The following ARFGEF3 variants were observed in gnomAD, a reference collection of about 807,000 sequenced individuals.
ARFGEF3 encodes the protein brefeldin A-inhibited guanine nucleotide-exchange protein 3.
A neutral mutation model predicts 221.7 loss-of-function variants in ARFGEF3; 96 were observed. The observed-to-expected ratio is 0.43, with a 90% CI of 0.37 to 0.51. The LOEUF (loss-of-function observed/expected upper bound fraction) is 0.51, where lower values mean the gene tolerates loss of function less well. ARFGEF3 is among the 20% of genes least tolerant of loss of function. The pLI is 0.00. For synonymous variants in ARFGEF3, 1,145 were observed against 1,126.8 expected, an observed-to-expected ratio of 1.02 and a Z score of -0.32; for missense variants, 2,410 against 2,789.9, an observed-to-expected ratio of 0.86 and a Z score of 3.07.
chr6:138,236,721 A>T (rs957720404), intron 5 of ARFGEF3, among the ~76,000 whole-genome samples: 3 of 152,178 alleles, frequency 2.0e-5, no homozygotes, highest in African/African-American at 7.2e-5. Context: ...CAGCCACCTC[A>T]GCCTCCCAAA....
rs140900503 is a variant in ARFGEF3, at chr6:138,194,570, G to A, written c.138-12472G>A. On this transcript the variant is annotated intron_variant, in intron 2 of 33. Transcript: ENST00000251691. ...TACTGTCAGTATATCCACACTCTAAGGCTGAAAGCTTGATTGTAGGAAAAC... is the reference window on the plus strand; with the variant it reads ...TACTGTCAGTATATCCACACTCTAAAGCTGAAAGCTTGATTGTAGGAAAAC... Among the ~76,000 whole-genome samples the A allele has an allele frequency of 1.7e-3, 266 of 152,284 alleles. 1 individual carries two copies. Among genetic ancestry groups the A allele is most frequent in the African/African-American group, 6.3e-3 (260 of 41,564 alleles).
intron 20 of ARFGEF3, among the ~76,000 whole-genome samples, chr6:138,296,513 C>T (rs1405890669): frequency 2.6e-5 from 4 of 152,098 alleles, no homozygotes; most frequent in South Asian, 2.1e-4. Flanking sequence ...TCCAGACGGT[C>T]GGACTTCTCG....
intron 12 of ARFGEF3, among the ~76,000 whole-genome samples, chr6:138,264,634 T>C (rs1488146124): frequency 6.6e-6 from 1 of 152,232 alleles, no homozygotes; most frequent in East Asian, 1.9e-4. Context: ...CATGTGTTAA[T>C]GCATCCACCA....
At chr6:138,333,832 A>G (rs1780270459) in intron 32 of ARFGEF3, 138 bp from the exon 33 acceptor site, 3 of 953,122 alleles carry the variant, frequency 3.1e-6, no homozygotes, top group African/African-American at 1.6e-5. Flanking sequence ...GCCTTCTTTC[A>G]TGGAAGACAT....
At chr6:138,324,764 C>T (rs975232601) in intron 31 of ARFGEF3, among the ~76,000 whole-genome samples, 2 of 152,152 alleles carry the variant, frequency 1.3e-5, no homozygotes, top group Admixed American at 1.3e-4. Flanking sequence ...AGAGAAGATG[C>T]TTAGTATGTC....
Position 138,313,490 on chromosome 6 carries a change from A to C in ARFGEF3, c.4201-305A>C, listed in dbSNP as rs532874804. On this transcript the variant is annotated intron_variant, in intron 25 of 33. Transcript: ENST00000251691. ...TAGGCAAAAATTCTGGACATGTTTC[A>C]TGGTTCCTTCGGTAGGTTTATAAAA... 2.2e-3 allele frequency among the ~76,000 whole-genome samples: 337 copies of C among 152,340 alleles called. 1 individual carries two copies. The highest frequency in any genetic ancestry group is 1.3e-3 in the Non-Finnish European group (86 of 68,036).
intron 4 of ARFGEF3, among the ~76,000 whole-genome samples, chr6:138,214,295 A>C (rs1583014671): frequency 6.6e-6 from 1 of 152,372 alleles, no homozygotes; most frequent in South Asian, 2.1e-4. Context: ...ATGTTAATTT[A>C]GTCTTGGCAC....
chr6:138,300,835 A>T (rs1562384945), intron 22 of ARFGEF3, among the ~76,000 whole-genome samples: 1 of 152,196 alleles, frequency 6.6e-6, no homozygotes, highest in Non-Finnish European at 1.5e-5. Flanking sequence ...GAGAAAATAA[A>T]CCCAACTTCA....
intron 12 of ARFGEF3, among the ~76,000 whole-genome samples, chr6:138,274,659 GTGGTGC>G (rs1562376034): frequency 6.6e-6 from 1 of 152,080 alleles, no homozygotes; most frequent in African/African-American, 2.4e-5. Context: ...GCCAGGCATG[GTGGTGC>G]ATGCCTGTAA....
At chr6:138,294,526 G>A (rs773705515) in intron 20 of ARFGEF3, among the ~76,000 whole-genome samples, 1 of 152,272 alleles carries the variant, frequency 6.6e-6, no homozygotes, top group Middle Eastern at 3.4e-3. Flanking sequence ...TTTGTGATAT[G>A]CAGAAGCAAC....
In ARFGEF3 at chr6:138,291,647, A is replaced by T; in HGVS notation, c.3048-86A>T. On this transcript the variant is annotated intron_variant, in intron 18 of 33. Transcript: ENST00000251691. This position sits in a 1 kb window ranked among gnomAD's most constrained non-coding sequence, Gnocchi z 4.5. ...CTGGGGAGCTTGCAGAGCTGGCTGCATTTCCTTTGTCTGGCACTGTGGGGT... is the reference window on the plus strand; with the variant it reads ...CTGGGGAGCTTGCAGAGCTGGCTGCTTTTCCTTTGTCTGGCACTGTGGGGT... 1 of 988,736 alleles carries T rather than the reference A, an allele frequency of 1.0e-6. No homozygotes were observed. Among genetic ancestry groups the T allele is most frequent in the Non-Finnish European group, 1.3e-6 (1 of 743,990 alleles). The allele number at this position is 988,736 out of a possible 1,614,324, so 61.2% of individuals were successfully genotyped here.
chr6:138,208,140 C>T (rs1388732248), intron 3 of ARFGEF3, among the ~76,000 whole-genome samples: 1 of 149,874 alleles, frequency 6.7e-6, no homozygotes, highest in Non-Finnish European at 1.5e-5. Context: ...TTTAGCTTCT[C>T]TCTCTTTTTT....
At chr6:138,226,983 G>C (rs771155343) in intron 4 of ARFGEF3, among the ~76,000 whole-genome samples, 2 of 152,032 alleles carry the variant, frequency 1.3e-5, no homozygotes, top group African/African-American at 2.4e-5. Flanking sequence ...TAAGGAACTG[G>C]CTCCGTTAAT....
chr6:138,240,755 A>G (rs1342930748), intron 6 of ARFGEF3, among the ~76,000 whole-genome samples: 1 of 152,168 alleles, frequency 6.6e-6, no homozygotes, highest in East Asian at 1.9e-4. Context: ...AGCATTTGTG[A>G]TGTCCAATGG....
At chr6:138,191,189 A>G (rs902990082) in intron 2 of ARFGEF3, among the ~76,000 whole-genome samples, 13 of 152,096 alleles carry the variant, frequency 8.5e-5, no homozygotes, top group African/African-American at 3.1e-4. Flanking sequence ...TAACTTTCAC[A>G]GTAGAGTTAG....
At chr6:138,197,239 C>T (rs190815452) in intron 2 of ARFGEF3, among the ~76,000 whole-genome samples, 7 of 152,274 alleles carry the variant, frequency 4.6e-5, no homozygotes, top group Admixed American at 3.3e-4. Context: ...CACTGTCTTC[C>T]ACCTCCATAT....
chr6:138,332,260 A>G (rs146934682), intron 32 of ARFGEF3, among the ~76,000 whole-genome samples: 4 of 152,166 alleles, frequency 2.6e-5, no homozygotes, highest in African/African-American at 9.6e-5. Context: ...CATTTCCTTC[A>G]GGCAGCCTGC....
At chr6:138,231,504 T>C (rs1583023679) in intron 5 of ARFGEF3, among the ~76,000 whole-genome samples, 1 of 152,212 alleles carries the variant, frequency 6.6e-6, no homozygotes, top group East Asian at 1.9e-4. Flanking sequence ...TGATAAGTGA[T>C]ACTGAGCTCA....
At position 138,343,519 on chromosome 6, in the gene ARFGEF3, T is replaced by C. The variant is rs1211249956; in HGVS notation, c.*7033T>C. Reference sequence around the variant, plus strand: ...AATTTTTGGAAATTATGTGTGCATTTAGTTCTTTTAGTAACACTGATTTTA... The same window carrying C: ...AATTTTTGGAAATTATGTGTGCATTCAGTTCTTTTAGTAACACTGATTTTA... On this transcript the variant is annotated 3_prime_UTR_variant, in exon 34 of 34. Coordinates refer to ENST00000251691, the MANE Select transcript of ARFGEF3 (RefSeq NM_020340.5). The C allele has an allele frequency of 6.6e-6, 1 of 152,144 alleles. No homozygotes were observed. The highest frequency in any genetic ancestry group is 1.9e-4 in the East Asian group (1 of 5,196). The allele number at this position is 152,144 out of a possible 1,614,324, so 9.4% of individuals were successfully genotyped here.
Sources: allele counts gnomAD v4.1 joint callset (sites outside exome capture counted in the v4.1 genomes callset), GRCh38; gene constraint gnomAD v4.1.1; non-coding constraint Gnocchi (gnomAD v3.1); transcripts MANE v1.5; gene names NCBI Gene and HGNC (gene_info 2026-07-23, HGNC 2026-07-21).